Variants in TIMP2 observed in about 807,000 individuals in gnomAD.
The protein encoded by TIMP2 is TIMP metallopeptidase inhibitor 2, also known as metalloproteinase inhibitor 2.
A neutral mutation model predicts 24.3 loss-of-function variants in TIMP2; 5 were observed. The observed-to-expected ratio is 0.21, with a 90% CI of 0.11 to 0.43. The LOEUF (loss-of-function observed/expected upper bound fraction) is 0.43. TIMP2 is among the 20% of genes least tolerant of loss of function. TIMP2 has a pLI of 1.00. For synonymous variants in TIMP2, 130 were observed against 123.2 expected (o/e 1.06, Z -0.37); for missense variants, 221 against 297.5 (o/e 0.74, Z 1.89).
At chr17:78,910,003 A>C (rs6501265) in intron 1 of TIMP2, among the ~76,000 whole-genome samples, 86,514 of 151,836 alleles carry the variant, frequency 0.57, 25,252 homozygotes, top group African/African-American at 0.7. Flanking sequence ...CTGGGCCTTT[A>C]TTTTTAATGG....
chr17:78,869,300 T>C (rs113841865), intron 3 of TIMP2, among the ~76,000 whole-genome samples: 4,669 of 151,386 alleles, frequency 0.031, 236 homozygotes, highest in African/African-American at 0.1. Flanking sequence ...ACACCTGTAG[T>C]TGATCTCAGC....
chr17:78,917,251 C>CA (rs10592875), intron 1 of TIMP2, among the ~76,000 whole-genome samples: 24,645 of 77,260 alleles, frequency 0.32, 4,050 homozygotes, highest in East Asian at 0.52. Context: ...GACTCCGTCT[C>CA]AAAAAAAAAA....
chr17:78,864,784 G>A (rs1341741710), intron 3 of TIMP2, among the ~76,000 whole-genome samples: 4 of 152,168 alleles, frequency 2.6e-5, no homozygotes, highest in Admixed American at 2.6e-4. Context: ...GGGTGCAGTG[G>A]TTCAAGCCTG....
At chr17:78,894,373 G>A (rs2145775141) in intron 1 of TIMP2, among the ~76,000 whole-genome samples, 1 of 152,040 alleles carries the variant, frequency 6.6e-6, no homozygotes, top group East Asian at 1.9e-4. Flanking sequence ...TCTAGTGGGA[G>A]GTCCTTGCAC....
At chr17:78,893,092 GGTGT>G (rs1185735359) in intron 1 of TIMP2, among the ~76,000 whole-genome samples, 1 of 151,320 alleles carries the variant, frequency 6.6e-6, no homozygotes, top group African/African-American at 2.4e-5. Flanking sequence ...CGTGTGCAGG[GGTGT>G]GTGTGGGTGT....
intron 1 of TIMP2, among the ~76,000 whole-genome samples, chr17:78,902,091 T>C (rs4789862): frequency 0.57 from 86,067 of 151,740 alleles, 25,084 homozygotes; most frequent in African/African-American, 0.71. Flanking sequence ...GTCCCAGTGG[T>C]GGCGGGGGGA....
At chr17:78,890,155 A>G (rs1304086245) in intron 1 of TIMP2, among the ~76,000 whole-genome samples, 1 of 151,414 alleles carries the variant, frequency 6.6e-6, no homozygotes, top group Non-Finnish European at 1.5e-5. Flanking sequence ...TTAGGGAAAG[A>G]GTCCCTGTGA....
intron 2 of TIMP2, among the ~76,000 whole-genome samples, chr17:78,871,385 G>C (rs2069682453): frequency 6.7e-6 from 1 of 150,168 alleles, no homozygotes; most frequent in African/African-American, 2.5e-5. Flanking sequence ...CTGCGAGGTG[G>C]AGGTTGCAGT....
chr17:78,857,632 C>T lies in TIMP2; in HGVS notation c.355G>A (p.Asp119Asn). The change falls in exon 4 of 5, where the codon GAC (aspartate) becomes AAC (asparagine). Residue 119 changes from aspartate (D) to asparagine (N), a missense_variant. By Grantham distance (23) the Asp-to-Asn change is conservative (BLOSUM62 1). Transcript: ENST00000262768. ...CAGAGGGTGATGTGCATCTTGCCGT[C>T]CCCCTCGGCCTTTCCTGCGGAGAGA... ...EYLIAGKAEG[D>N]GKMHITLCDF... The T allele has an allele frequency of 6.2e-7, 1 of 1,614,170 alleles. No homozygotes were observed. The highest frequency in any genetic ancestry group is 1.1e-5 in the South Asian group (1 of 91,086).
intron 3 of TIMP2, among the ~76,000 whole-genome samples, chr17:78,864,677 A>G (rs1309688170): frequency 6.6e-6 from 1 of 152,206 alleles, no homozygotes; most frequent in South Asian, 2.1e-4. Context: ...AAATGTTAAC[A>G]ATTTGAAAAC....
chr17:78,913,456 A>G (rs1337633959), intron 1 of TIMP2, among the ~76,000 whole-genome samples: 2 of 152,108 alleles, frequency 1.3e-5, no homozygotes, highest in Admixed American at 1.3e-4. Flanking sequence ...CACGCTTGTA[A>G]TCCCAGTGCT....
chr17:78,879,958 C>T (rs948973431), intron 1 of TIMP2, among the ~76,000 whole-genome samples: 3 of 152,064 alleles, frequency 2.0e-5, no homozygotes, highest in East Asian at 1.9e-4. Flanking sequence ...TCGCGGGAGA[C>T]GATCCAAAGA....
Position 78,855,462 on chromosome 17 carries a change from A to C in TIMP2, c.*205T>G. On this transcript the variant is annotated 3_prime_UTR_variant, in exon 5 of 5. Transcript: ENST00000262768. This position sits in a 1 kb window ranked among gnomAD's most constrained non-coding sequence, Gnocchi z 6.0. The stretch of plus-strand genomic sequence containing the variant: ...ACACATAGTGCCTGGCAGAGGGAGG[A>C]TGGGATGAGGACCTTGGACCCACGT... 1 of 615,940 alleles carries C rather than the reference A, an allele frequency of 1.6e-6. No individual in the cohort carries two copies. Among genetic ancestry groups the C allele is most frequent in the Non-Finnish European group, 2.8e-6 (1 of 356,110 alleles). The allele number at this position is 615,940 out of a possible 1,614,324, so 38.2% of individuals were successfully genotyped here. A position where few individuals can be genotyped will look rare whatever the true frequency, so the allele number is the denominator to read the frequency against.
intron 3 of TIMP2, among the ~76,000 whole-genome samples, chr17:78,860,210 A>C (rs959754798): frequency 1.3e-5 from 2 of 151,874 alleles, no homozygotes; most frequent in Admixed American, 1.3e-4. Context: ...AACAAAAAAA[A>C]CCTCATCCCT....
chr17:78,866,431 C>T lies in TIMP2; in HGVS notation c.340+4467G>A, dbSNP rs576185715. Among the ~76,000 whole-genome samples the T allele has an allele frequency of 7.2e-5, 11 of 151,904 alleles. No homozygotes were observed. The South Asian group carries it at 1.5e-3, about 20-fold the overall frequency. On this transcript the variant is annotated intron_variant, in intron 3 of 4. Coordinates refer to ENST00000262768, the MANE Select transcript of TIMP2 (RefSeq NM_003255.5). ...TGTAAAAATCATAGATAATACTGGG[C>T]GTGTAAAATGGTGCAGCTGCTTTGG... is the stretch of plus-strand genomic sequence containing the variant.
chr17:78,922,839 C>A (rs144845646), intron 1 of TIMP2, among the ~76,000 whole-genome samples: 1 of 152,066 alleles, frequency 6.6e-6, no homozygotes, highest in African/African-American at 2.4e-5. Context: ...CAGAGACACA[C>A]GAGAGAAGGC....
intron 4 of TIMP2, chr17:78,857,294 C>T: frequency 2.1e-5 from 12 of 560,042 alleles, no homozygotes; most frequent in Non-Finnish European, 3.7e-5. Context: ...GGCCTCCAGA[C>T]ATCCCCTGTC....
At chr17:78,910,667 TA>T (rs2070199755) in intron 1 of TIMP2, among the ~76,000 whole-genome samples, 1 of 152,226 alleles carries the variant, frequency 6.6e-6, no homozygotes, top group South Asian at 2.1e-4. Context: ...TTCTTTTTTT[TA>T]GCTTTCCCAT....
At position 78,853,381 on chromosome 17, in the gene TIMP2, C is replaced by G. The variant is rs991674999; in HGVS notation, c.*2286G>C. 2.6e-5 allele frequency: 4 copies of G among 152,360 alleles called. No homozygotes were observed. Among genetic ancestry groups the G allele is most frequent in the Admixed American group, 2.0e-4 (3 of 15,242 alleles). The allele number at this position is 152,360 out of a possible 1,614,324, so 9.4% of individuals were successfully genotyped here. ...CCTTCTTAAACTATATATATATTGCCACTATTTATTGTGAAGGTATTTGAG... is the reference window on the plus strand; with the variant it reads ...CCTTCTTAAACTATATATATATTGCGACTATTTATTGTGAAGGTATTTGAG... On this transcript the variant is annotated 3_prime_UTR_variant, in exon 5 of 5. Transcript: ENST00000262768.
Sources: allele counts gnomAD v4.1 joint callset (sites outside exome capture counted in the v4.1 genomes callset), GRCh38; gene constraint gnomAD v4.1.1; non-coding constraint Gnocchi (gnomAD v3.1); transcripts MANE v1.5; gene names NCBI Gene and HGNC (gene_info 2026-07-23, HGNC 2026-07-21).